Variants in MAPK10 observed in about 807,000 individuals in gnomAD.
MAPK10 encodes the protein mitogen-activated protein kinase 10.
MAPK10 carries 25 observed loss-of-function variants against 59.3 expected under a neutral mutation model. That is an observed-to-expected ratio of 0.42 (90% CI 0.31 to 0.59). The LOEUF (loss-of-function observed/expected upper bound fraction) is 0.59, where lower values mean the gene tolerates loss of function less well. Among genes scored for constraint, MAPK10 ranks in the 20% least tolerant of loss-of-function variants. The pLI is 0.15. For synonymous variants in MAPK10, 190 were observed against 200.5 expected, an observed-to-expected ratio of 0.95 and a Z score of 0.44; for missense variants, 351 against 568.9, an observed-to-expected ratio of 0.62 and a Z score of 3.90.
chr4:86,101,520 T>C (rs2055391440), intron 7 of MAPK10: 2 of 379,246 alleles, frequency 5.3e-6, no homozygotes, highest in African/African-American at 4.0e-5. Flanking sequence ...AACATAAATC[T>C]TTCAACATAT....
intron 1 of MAPK10, among the ~76,000 whole-genome samples, chr4:86,477,466 C>T (rs1753196149): frequency 1.3e-5 from 2 of 152,088 alleles, no homozygotes; most frequent in Non-Finnish European, 2.9e-5. Context: ...TTGTATCTCC[C>T]CACCTTAACC....
At chr4:86,206,542 G>C (rs537797981) in intron 2 of MAPK10, among the ~76,000 whole-genome samples, 14 of 152,176 alleles carry the variant, frequency 9.2e-5, no homozygotes, top group African/African-American at 2.9e-4. Flanking sequence ...ATGATTTATA[G>C]TCCTTTGGGT....
rs149887444 is a variant in MAPK10, at chr4:86,515,609, T to C, written c.-263+78301A>G. Among the ~76,000 whole-genome samples, 269 of 152,338 alleles carry C rather than the reference T, an allele frequency of 1.8e-3. 4 individuals are homozygous for C. The East Asian group carries it at 0.038, about 21-fold the overall frequency. ...TAGTGATATTGAGCATTTTTTCATA[T>C]GTTTGTTGGACATTTGAATATCTTC... is the stretch of plus-strand genomic sequence containing the variant. On this transcript the variant is annotated intron_variant, in intron 1 of 4. Coordinates refer to the MAPK10 transcript ENST00000502302.
intron 1 of MAPK10, among the ~76,000 whole-genome samples, chr4:86,506,001 A>G (rs1755709892): frequency 6.6e-6 from 1 of 152,206 alleles, no homozygotes; most frequent in South Asian, 2.1e-4. Context: ...ATATAGAGAC[A>G]TACTCCTTGC....
At position 86,377,972 on chromosome 4, in the gene MAPK10, A is replaced by G. The variant is rs560903451; in HGVS notation, c.-121-23328T>C. Among the ~76,000 whole-genome samples, 26 of 152,196 alleles carry G rather than the reference A, an allele frequency of 1.7e-4. No individual in the cohort carries two copies. In the South Asian group the frequency reaches 5.2e-3, roughly 30 times the overall value. Reference sequence around the variant, plus strand: ...TGATTAGATTGTGCCCACCCAGATTAAGGGTGGGTCTGCCTTTCCCAACCC... The same window carrying G: ...TGATTAGATTGTGCCCACCCAGATTGAGGGTGGGTCTGCCTTTCCCAACCC... On this transcript the variant is annotated intron_variant, in intron 1 of 13. Transcript: ENST00000361569.
intron 2 of MAPK10, chr4:86,300,522 T>G (rs755466782): frequency 4.6e-5 from 7 of 152,084 alleles, no homozygotes; most frequent in Non-Finnish European, 1.0e-4. Context: ...GACTGTCAAG[T>G]CACATTTGCT....
intron 2 of MAPK10, among the ~76,000 whole-genome samples, chr4:86,213,295 A>G (rs1045347680): frequency 3.3e-5 from 5 of 152,134 alleles, no homozygotes; most frequent in Admixed American, 3.3e-4. Flanking sequence ...TTAAGGAATT[A>G]GAAAAAGAAG....
chr4:86,202,908 T>TA (rs1454705013), intron 2 of MAPK10, among the ~76,000 whole-genome samples: 1 of 151,912 alleles, frequency 6.6e-6, no homozygotes, highest in African/African-American at 2.4e-5. Context: ...CTTTAAAAGA[T>TA]AAAAAATGTT....
At chr4:86,304,538 G>A (rs906547126) in intron 2 of MAPK10, among the ~76,000 whole-genome samples, 1 of 151,150 alleles carries the variant, frequency 6.6e-6, no homozygotes, top group Non-Finnish European at 1.5e-5. Flanking sequence ...GACTACAGGC[G>A]CCCGCCACCG....
chr4:86,455,561 G>C (rs1401927409), upstream of MAPK10, among the ~76,000 whole-genome samples: 1 of 152,090 alleles, frequency 6.6e-6, no homozygotes, highest in Admixed American at 6.5e-5. Context: ...AAGACAAAGA[G>C]GGTCATTATA....
intron 2 of MAPK10, among the ~76,000 whole-genome samples, chr4:86,280,692 T>G (rs2094766143): frequency 6.6e-6 from 1 of 152,044 alleles, no homozygotes; most frequent in South Asian, 2.1e-4. Context: ...AGAATCAACC[T>G]AGGTGCCCAT....
chr4:86,336,951 T>C (rs1272948449), intron 2 of MAPK10, among the ~76,000 whole-genome samples: 1 of 151,938 alleles, frequency 6.6e-6, no homozygotes, highest in Non-Finnish European at 1.5e-5. Flanking sequence ...CCACCGCGCC[T>C]GCTAATTTTT....
chr4:86,558,093 G>A (rs145526507), intron 1 of MAPK10, among the ~76,000 whole-genome samples: 19 of 152,028 alleles, frequency 1.2e-4, no homozygotes, highest in Admixed American at 7.8e-4. Flanking sequence ...GAAACAAAAA[G>A]TAAATTAAAA....
rs1753324071 is a variant in MAPK10 at position 86,478,670 on chromosome 4, C to T, written c.-263+115240G>A. Among the ~76,000 whole-genome samples, 3 of 152,170 alleles carry T rather than the reference C, an allele frequency of 2.0e-5. No homozygotes were observed. The South Asian group carries it at 6.2e-4, about 32-fold the overall frequency. On this transcript the variant is annotated intron_variant, in intron 1 of 4. Transcript: ENST00000502302. ...CCGGCCTCCCACATTATTCCTGATA[C>T]CACACCTGAGCCCCATGACTATATC... is the stretch of plus-strand genomic sequence containing the variant.
intron 2 of MAPK10, among the ~76,000 whole-genome samples, chr4:86,296,182 A>AAG (rs1227655065): frequency 2.0e-5 from 3 of 151,902 alleles, no homozygotes; most frequent in African/African-American, 7.3e-5. Context: ...TCTCAAAAAA[A>AAG]AAAAAAAAGA....
At chr4:86,226,653 C>T (rs1338223283) in intron 2 of MAPK10, among the ~76,000 whole-genome samples, 1 of 152,056 alleles carries the variant, frequency 6.6e-6, no homozygotes, top group Non-Finnish European at 1.5e-5. Context: ...TGCAAAATTC[C>T]AAGAGGAAGT....
At chr4:86,137,232 A>T (rs1173529283) in intron 4 of MAPK10, among the ~76,000 whole-genome samples, 2 of 151,906 alleles carry the variant, frequency 1.3e-5, no homozygotes, top group Admixed American at 6.5e-5. Flanking sequence ...CAGAATATAC[A>T]TTTTTTCAGC....
chr4:86,224,964 T>C (rs1329735801), intron 2 of MAPK10, among the ~76,000 whole-genome samples: 1 of 152,232 alleles, frequency 6.6e-6, no homozygotes, highest in Non-Finnish European at 1.5e-5. Context: ...AGCAGATGTT[T>C]AGTTGGCCCA....
intron 2 of MAPK10, among the ~76,000 whole-genome samples, chr4:86,300,112 C>T (rs531894710): frequency 1.3e-5 from 2 of 152,078 alleles, no homozygotes; most frequent in South Asian, 2.1e-4. Context: ...AGGCTGGTCT[C>T]GAACTCCTGA....
Sources: gnomAD v4.1 joint callset for allele counts (sites outside exome capture counted in the v4.1 genomes callset) on GRCh38, gnomAD v4.1.1 for gene constraint, MANE v1.5 for transcripts, NCBI Gene and HGNC (gene_info 2026-07-23, HGNC 2026-07-21) for gene names.